ST8SIA1: variants seen among roughly 807,000 people sequenced by gnomAD.
ST8SIA1 encodes ST8 alpha-N-acetyl-neuraminide alpha-2,8-sialyltransferase 1, also known as alpha-N-acetylneuraminide alpha-2,8-sialyltransferase.
ST8SIA1 carries 16 observed loss-of-function variants against 35.9 expected under a neutral mutation model. The ratio of observed to expected loss-of-function variants is 0.45; its 90% confidence interval spans 0.30 to 0.68. ST8SIA1 has a LOEUF of 0.68. Ranked by LOEUF, ST8SIA1 falls within the 30% of genes least tolerant of loss-of-function variation. The pLI is 0.09. For missense variants in ST8SIA1, 383 were observed against 453.6 expected, an observed-to-expected ratio of 0.84 and a Z score of 1.41; for synonymous variants, 170 against 169.6, an observed-to-expected ratio of 1.00 and a Z score of -0.02.
rs1460744423 is a variant in ST8SIA1, at chr12:22,195,148, A to T, written c.*6404T>A. 1 of 142,162 alleles carries T rather than the reference A, an allele frequency of 7.0e-6. No homozygotes were observed. Among genetic ancestry groups the T allele is most frequent in the African/African-American group, 2.6e-5 (1 of 37,924 alleles). The allele number at this position is 142,162 out of a possible 1,614,324, so 8.8% of individuals were successfully genotyped here. A position where few individuals can be genotyped will look rare whatever the true frequency, so the allele number is the denominator to read the frequency against. On this transcript the variant is annotated 3_prime_UTR_variant, in exon 5 of 5. Coordinates refer to ENST00000396037, the MANE Select transcript of ST8SIA1 (RefSeq NM_003034.4). Reference sequence around the variant, plus strand: ...CGGTGAGCCGAGATCACGCCATTGCACTCCAGCCTGGGCAACAAGAGCAAA... The same window carrying T: ...CGGTGAGCCGAGATCACGCCATTGCTCTCCAGCCTGGGCAACAAGAGCAAA...
At chr12:22,258,760 T>A (rs1591837135) in intron 2 of ST8SIA1, among the ~76,000 whole-genome samples, 1 of 152,358 alleles carries the variant, frequency 6.6e-6, no homozygotes, top group East Asian at 1.9e-4. Context: ...CAACTAAAAA[T>A]CCCTTTAATT....
Position 22,287,239 on chromosome 12 carries a change from C to T in ST8SIA1, c.291G>A (p.Met97Ile). ...DPAHLFAMTK[M>I]NSPMGKSMWY... ...ACATGCTCTTCCCCATAGGGGAATT[C>T]ATTTTAGTCATAGCAAAGAGATGGG... The change falls in exon 2 of 5, where the codon ATG becomes ATA. Residue 97 changes from methionine to isoleucine, a missense_variant. Physicochemically the swap from Met to Ile is conservative, Grantham distance 10. Transcript: ENST00000396037. The T allele has an allele frequency of 1.9e-6, 3 of 1,614,044 alleles. No homozygotes were observed. Among genetic ancestry groups the T allele is most frequent in the Non-Finnish European group, 2.5e-6 (3 of 1,179,940 alleles).
intron 4 of ST8SIA1, among the ~76,000 whole-genome samples, chr12:22,222,395 G>T (rs1328423541): frequency 2.0e-5 from 3 of 152,136 alleles, no homozygotes; most frequent in Non-Finnish European, 4.4e-5. Flanking sequence ...TTTTATTTTG[G>T]TAGTGGATTT....
intron 2 of ST8SIA1, among the ~76,000 whole-genome samples, chr12:22,285,799 G>T (rs964883720): frequency 5.4e-5 from 8 of 147,972 alleles, no homozygotes; most frequent in Admixed American, 1.4e-4. Context: ...GAACCTGAAA[G>T]GTGGAGGTTG....
chr12:22,302,627 T>C (rs1866333139), intron 1 of ST8SIA1, among the ~76,000 whole-genome samples: 1 of 152,136 alleles, frequency 6.6e-6, no homozygotes, highest in Non-Finnish European at 1.5e-5. Context: ...TCTTGTAAAA[T>C]GTTTTCTCCA....
At chr12:22,332,462 A>G (rs975982220) in intron 1 of ST8SIA1, among the ~76,000 whole-genome samples, 1 of 152,168 alleles carries the variant, frequency 6.6e-6, no homozygotes, top group African/African-American at 2.4e-5. Context: ...TTCTTAACTC[A>G]TTTCCTTAGA....
intron 1 of ST8SIA1, among the ~76,000 whole-genome samples, chr12:22,292,232 T>C (rs1866185590): frequency 6.6e-6 from 1 of 152,124 alleles, no homozygotes; most frequent in African/African-American, 2.4e-5. Context: ...ACTCCAAAAA[T>C]AATATCATGA....
chr12:22,235,994 A>C (rs1865472820), intron 4 of ST8SIA1, among the ~76,000 whole-genome samples: 3 of 152,196 alleles, frequency 2.0e-5, no homozygotes, highest in Non-Finnish European at 4.4e-5. Flanking sequence ...GAGTCATAGA[A>C]CTTAAGAGAG....
chr12:22,323,023 G>T (rs1438244865), intron 1 of ST8SIA1, among the ~76,000 whole-genome samples: 1 of 152,106 alleles, frequency 6.6e-6, no homozygotes, highest in African/African-American at 2.4e-5. Flanking sequence ...AAGAAAGAAA[G>T]CTATTGCTTT....
At chr12:22,261,603 T>C (rs1565580633) in intron 2 of ST8SIA1, among the ~76,000 whole-genome samples, 1 of 152,216 alleles carries the variant, frequency 6.6e-6, no homozygotes, top group Non-Finnish European at 1.5e-5. Flanking sequence ...AAAATTTTCC[T>C]GGAGCATCTA....
Position 22,209,423 on chromosome 12 carries a change from G to A in ST8SIA1, c.585-7385C>T, listed in dbSNP as rs1565567204. Reference sequence around the variant, plus strand: ...TAAGCACGACCTCACTCGCATTCAAGTTATAACAAAACTATAGCAAACTAA... The same window carrying A: ...TAAGCACGACCTCACTCGCATTCAAATTATAACAAAACTATAGCAAACTAA... On this transcript the variant is annotated intron_variant, in intron 4 of 4. Transcript: ENST00000396037. Among the ~76,000 whole-genome samples the A allele has an allele frequency of 2.0e-5, 3 of 152,148 alleles. No homozygotes were observed. In the South Asian group the frequency reaches 6.2e-4, roughly 31 times the overall value.
intron 1 of ST8SIA1, among the ~76,000 whole-genome samples, chr12:22,320,972 AAAG>A (rs1565595879): frequency 1.1e-5 from 1 of 92,986 alleles, no homozygotes; most frequent in Non-Finnish European, 2.1e-5. Context: ...AGAAAGAAAG[AAAG>A]AAAGAAAGAA....
chr12:22,323,505 G>C (rs1439834398), intron 1 of ST8SIA1, among the ~76,000 whole-genome samples: 2 of 152,154 alleles, frequency 1.3e-5, no homozygotes, highest in Non-Finnish European at 2.9e-5. Flanking sequence ...CCATTACTGG[G>C]TATACACCCA....
Position 22,208,207 on chromosome 12 carries a change from G to A in ST8SIA1, c.585-6169C>T, listed in dbSNP as rs548724584. ...ATCATACGGGTCACACTGTCTGATC[G>A]AAAATGTAAAAAAATGAGAAGTCAA... On this transcript the variant is annotated intron_variant, in intron 4 of 4. Transcript: ENST00000396037. 1.1e-4 allele frequency among the ~76,000 whole-genome samples: 17 copies of A among 150,510 alleles called. No individual in the cohort carries two copies. The South Asian group carries it at 2.1e-3, about 19-fold the overall frequency.
At chr12:22,309,295 C>T (rs191586639) in intron 1 of ST8SIA1, among the ~76,000 whole-genome samples, 2 of 152,260 alleles carry the variant, frequency 1.3e-5, no homozygotes, top group East Asian at 3.9e-4. Context: ...AGAACTCCAC[C>T]ACTGATGTCC....
At chr12:22,330,711 A>C (rs143617924) in intron 1 of ST8SIA1, among the ~76,000 whole-genome samples, 1 of 152,386 alleles carries the variant, frequency 6.6e-6, no homozygotes, top group East Asian at 1.9e-4. Flanking sequence ...ACATACTAGC[A>C]TAGTGTCAGG....
In ST8SIA1 at chr12:22,255,404, C is replaced by G. The variant is rs764791827; in HGVS notation, c.382-15G>C. On this transcript the variant is annotated splice_polypyrimidine_tract_variant and intron_variant, in intron 2 of 4. Coordinates refer to ENST00000396037, the MANE Select transcript of ST8SIA1 (RefSeq NM_003034.4). ...AATGGGGTTGCCTAGCAACAGAAAACAAGGCGGGTTTTCACTGCAAAGAAC... is the reference window on the plus strand; with the variant it reads ...AATGGGGTTGCCTAGCAACAGAAAAGAAGGCGGGTTTTCACTGCAAAGAAC... 1.2e-6 allele frequency: 2 copies of G among 1,610,564 alleles called. No individual in the cohort carries two copies. The highest frequency in any genetic ancestry group is 4.5e-5 in the East Asian group (2 of 44,866).
intron 2 of ST8SIA1, among the ~76,000 whole-genome samples, chr12:22,266,407 A>T (rs1865849331): frequency 6.6e-6 from 1 of 151,922 alleles, no homozygotes; most frequent in Admixed American, 6.6e-5. Flanking sequence ...TTCCAAACTT[A>T]TTACTGTTGC....
Position 22,329,657 on chromosome 12 carries a change from C to T in ST8SIA1, c.236+4340G>A, listed in dbSNP as rs190849081. Among the ~76,000 whole-genome samples the T allele has an allele frequency of 1.9e-3, 284 of 152,214 alleles. 3 individuals carry two copies. Among genetic ancestry groups the T allele is most frequent in the African/African-American group, 6.5e-3 (270 of 41,514 alleles). ...CTCCACTCCCAATGCCCTTTTCCTG[C>T]CACCAGGACAATTATGGAAATTGAG... On this transcript the variant is annotated intron_variant, in intron 1 of 4. Coordinates refer to ENST00000396037, the MANE Select transcript of ST8SIA1 (RefSeq NM_003034.4).
Sources: gnomAD v4.1 joint callset for allele counts (sites outside exome capture counted in the v4.1 genomes callset) on GRCh38, gnomAD v4.1.1 for gene constraint, MANE v1.5 for transcripts, NCBI Gene and HGNC (gene_info 2026-07-23, HGNC 2026-07-21) for gene names.